The following PDE8A variants were observed in gnomAD, a reference collection of about 807,000 sequenced individuals.
The protein encoded by PDE8A is phosphodiesterase 8A, also known as high affinity cAMP-specific and IBMX-insensitive 3',5'-cyclic phosphodiesterase 8A.
PDE8A carries 59 observed loss-of-function variants against 105.0 expected under a neutral mutation model. That is an observed-to-expected ratio of 0.56 (90% CI 0.46 to 0.70). The LOEUF is 0.70. PDE8A is among the 30% of genes least tolerant of loss of function. PDE8A has a pLI of 0.00. For synonymous variants in PDE8A, 355 were observed against 371.9 expected (o/e 0.95, Z 0.52); for missense variants, 1,014 against 1,045.9 (o/e 0.97, Z 0.42).
intron 8 of PDE8A, among the ~76,000 whole-genome samples, chr15:85,094,836 C>T (rs1456858736): frequency 1.3e-5 from 2 of 152,160 alleles, no homozygotes; most frequent in East Asian, 1.9e-4. Flanking sequence ...CCTCCATCTC[C>T]ACTCGGTCCA....
At chr15:85,124,918 T>C (rs149789897) in intron 19 of PDE8A, among the ~76,000 whole-genome samples, 1 of 152,314 alleles carries the variant, frequency 6.6e-6, no homozygotes. Flanking sequence ...ATGGTTCTCA[T>C]CTCTGTTGTC....
chr15:85,024,764 C>T (rs141532157), intron 1 of PDE8A, among the ~76,000 whole-genome samples: 2 of 152,260 alleles, frequency 1.3e-5, no homozygotes, highest in East Asian at 1.9e-4. Flanking sequence ...GGCAAAAATT[C>T]GGACTTGTTC....
At chr15:85,092,808 G>C (rs2081667568) in intron 8 of PDE8A, among the ~76,000 whole-genome samples, 1 of 152,110 alleles carries the variant, frequency 6.6e-6, no homozygotes, top group African/African-American at 2.4e-5. Context: ...TTGGGCACCA[G>C]GTAACAAAAG....
chr15:84,992,370 G>C (rs2079899788), intron 1 of PDE8A, among the ~76,000 whole-genome samples: 1 of 152,136 alleles, frequency 6.6e-6, no homozygotes, highest in African/African-American at 2.4e-5. Context: ...GGGGAAGGAA[G>C]GGTACGGGGG....
At chr15:85,037,054 A>C (rs1452703155) in intron 1 of PDE8A, among the ~76,000 whole-genome samples, 2 of 150,668 alleles carry the variant, frequency 1.3e-5, no homozygotes, top group African/African-American at 4.9e-5. Flanking sequence ...TGCTCTTAAG[A>C]TACTGGACTA....
At chr15:85,137,620 A>C (rs556039580) in intron 21 of PDE8A, among the ~76,000 whole-genome samples, 177 bp from the exon 22 acceptor site, 1 of 152,162 alleles carries the variant, frequency 6.6e-6, no homozygotes. Context: ...CATTGAGGAC[A>C]GGGTTTAACT....
At chr15:85,096,731 G>A (rs1178145033) in intron 8 of PDE8A, among the ~76,000 whole-genome samples, 1 of 152,086 alleles carries the variant, frequency 6.6e-6, no homozygotes, top group Non-Finnish European at 1.5e-5. Context: ...CTGTACCAAG[G>A]CCCATACCTC....
chr15:84,993,426 G>C (rs2079922451), intron 1 of PDE8A, among the ~76,000 whole-genome samples: 1 of 109,256 alleles, frequency 9.2e-6, no homozygotes, highest in African/African-American at 3.6e-5. Flanking sequence ...CTGGGCGACA[G>C]AGCGAGACTC....
At chr15:85,101,673 G>A (rs192089943) in intron 11 of PDE8A, among the ~76,000 whole-genome samples, 71 of 152,244 alleles carry the variant, frequency 4.7e-4, no homozygotes, top group Admixed American at 1.4e-3. Context: ...CCAGAGAGAA[G>A]AATACCAGCA....
intron 1 of PDE8A, among the ~76,000 whole-genome samples, chr15:85,006,604 T>C (rs1336953352): frequency 1.3e-5 from 2 of 152,268 alleles, no homozygotes; most frequent in Non-Finnish European, 2.9e-5. Context: ...TCTATTACTT[T>C]GGCTGTTTTC....
rs527978066 is a variant in PDE8A at position 85,045,532 on chromosome 15, C to T, written c.187-18838C>T. On this transcript the variant is annotated intron_variant, in intron 1 of 21. Transcript: ENST00000394553. ...ATGGAGTTAATGAGCTTACCTTGCT[C>T]ATAAGGTAAGAACTAAATTGGACTT... is the stretch of plus-strand genomic sequence containing the variant. 3.3e-5 allele frequency among the ~76,000 whole-genome samples: 5 copies of T among 152,318 alleles called. No individual in the cohort carries two copies. The East Asian group carries it at 9.6e-4, about 29-fold the overall frequency.
chr15:85,036,377 C>A (rs976021902), intron 1 of PDE8A, among the ~76,000 whole-genome samples: 11 of 152,294 alleles, frequency 7.2e-5, no homozygotes, highest in African/African-American at 2.6e-4. Flanking sequence ...GGAAACACCC[C>A]AGTAGTTGAC....
chr15:85,057,378 C>CT, intron 1 of PDE8A, among the ~76,000 whole-genome samples: 1 of 152,318 alleles, frequency 6.6e-6, no homozygotes, highest in East Asian at 1.9e-4. Context: ...TTTCTGCTGC[C>CT]TTTTGTTCAG....
At chr15:85,134,917 A>G (rs1301305167) in intron 20 of PDE8A, among the ~76,000 whole-genome samples, 2 of 152,158 alleles carry the variant, frequency 1.3e-5, no homozygotes, top group Non-Finnish European at 2.9e-5. Context: ...AGGGTGACTG[A>G]GTGCACAGAA....
chr15:85,017,665 T>C (rs1225930805), intron 1 of PDE8A, among the ~76,000 whole-genome samples: 1 of 152,000 alleles, frequency 6.6e-6, no homozygotes, highest in South Asian at 2.1e-4. Flanking sequence ...GGCGGGTGGA[T>C]TACTTGAGGT....
intron 1 of PDE8A, among the ~76,000 whole-genome samples, chr15:85,014,767 TA>T (rs1008874160): frequency 6.6e-6 from 1 of 152,176 alleles, no homozygotes; most frequent in East Asian, 1.9e-4. Context: ...TGTTCATTCT[TA>T]AAAAAATTGA....
intron 12 of PDE8A, among the ~76,000 whole-genome samples, chr15:85,110,167 G>A (rs760894056): frequency 4.6e-5 from 7 of 152,156 alleles, no homozygotes; most frequent in African/African-American, 7.2e-5. Context: ...TGTAGCTGTC[G>A]TGATTACAGT....
At chr15:85,053,634 A>G (rs1383497221) in intron 1 of PDE8A, among the ~76,000 whole-genome samples, 1 of 152,196 alleles carries the variant, frequency 6.6e-6, no homozygotes, top group Non-Finnish European at 1.5e-5. Context: ...TTATTGGTGT[A>G]TAGGAATGCT....
intron 3 of PDE8A, among the ~76,000 whole-genome samples, chr15:85,067,700 C>G (rs912043567): frequency 6.6e-6 from 1 of 152,012 alleles, no homozygotes; most frequent in Admixed American, 6.6e-5. Flanking sequence ...AATTTTATGA[C>G]ATATTAATTT....
Sources: gnomAD v4.1 joint callset for allele counts (sites outside exome capture counted in the v4.1 genomes callset) on GRCh38, gnomAD v4.1.1 for gene constraint, MANE v1.5 for transcripts, NCBI Gene and HGNC (gene_info 2026-07-23, HGNC 2026-07-21) for gene names.